The following SLC6A12 variants were observed in gnomAD, a reference collection of about 807,000 sequenced individuals.
The protein encoded by SLC6A12 is sodium- and chloride-dependent betaine transporter.
A neutral mutation model predicts 73.3 loss-of-function variants in SLC6A12; 50 were observed. The observed-to-expected ratio is 0.68, with a 90% CI of 0.54 to 0.86. The LOEUF (loss-of-function observed/expected upper bound fraction) is 0.86, where lower values mean the gene tolerates loss of function less well. Ranked by LOEUF, SLC6A12 falls within the 40% of genes least tolerant of loss-of-function variation. The pLI is 0.00. For synonymous variants in SLC6A12, 304 were observed against 309.2 expected (o/e 0.98, Z 0.18); for missense variants, 648 against 772.8 (o/e 0.84, Z 1.92).
chr12:206,167 A>G (rs1200879918), intron 3 of SLC6A12, among the ~76,000 whole-genome samples: 2 of 152,186 alleles, frequency 1.3e-5, no homozygotes, highest in African/African-American at 2.4e-5. Flanking sequence ...CACCATCACC[A>G]CCATTCATCT....
rs781320561 is a variant in SLC6A12, at chr12:200,734, G to A, written c.628C>T (p.Arg210Cys). ...AGGAGGCACAGGGCCAGCTCCCAGC[G>A]CAGGGAGCCCAGGTCATGGATGCCC... Reference protein sequence around the residue: ...TSGIHDLGSLRWELALCLLLA... With the variant: ...TSGIHDLGSLCWELALCLLLA... The change falls in exon 7 of 16, where the codon CGC becomes TGC. Residue 210 changes from arginine to cysteine, a missense_variant. Arg to Cys is a radical substitution (Grantham distance 180). Coordinates refer to ENST00000684302, the MANE Select transcript of SLC6A12 (RefSeq NM_001122848.3). The A allele has an allele frequency of 1.8e-5, 29 of 1,613,958 alleles. No individual in the cohort carries two copies. Among genetic ancestry groups the A allele is most frequent in the Admixed American group, 1.2e-4 (7 of 59,996 alleles).
At position 195,361 on chromosome 12, in the gene SLC6A12, G is replaced by T. The variant is rs140322356; in HGVS notation, c.1327-34C>A. 529 of 1,370,568 alleles carry T rather than the reference G, an allele frequency of 3.9e-4. 3 individuals are homozygous for T. The highest frequency in any genetic ancestry group is 1.3e-3 in the South Asian group (115 of 85,996). The allele number at this position is 1,370,568 out of a possible 1,614,324, so 84.9% of individuals were successfully genotyped here. A position where few individuals can be genotyped will look rare whatever the true frequency, so the allele number is the denominator to read the frequency against. On this transcript the variant is annotated intron_variant, in intron 12 of 15. Coordinates refer to ENST00000684302, the MANE Select transcript of SLC6A12 (RefSeq NM_001122848.3). The stretch of plus-strand genomic sequence containing the variant: ...AGAGCGTGGAGCTGGGGCATGGCCA[G>T]TGCAGAGCTGGGACACACTCCAGCC...
intron 4 of SLC6A12, chr12:203,230 CT>C (rs1347800725): frequency 2.5e-4 from 43 of 171,472 alleles, no homozygotes; most frequent in South Asian, 4.7e-4. Context: ...CTAATTTTAA[CT>C]TTTTTTTTGT....
chr12:207,590 G>T (rs1940712962), intron 3 of SLC6A12, among the ~76,000 whole-genome samples: 1 of 152,018 alleles, frequency 6.6e-6, no homozygotes, highest in Non-Finnish European at 1.5e-5. Context: ...TTATATTTAA[G>T]TGCCAATCAG....
Position 213,571 on chromosome 12 carries a change from C to A in SLC6A12, c.-143+351G>T, listed in dbSNP as rs1940993731. The stretch of plus-strand genomic sequence containing the variant: ...AATGCCCCGAGGTTTCTCCTGTCCA[C>A]TTCTCCTTCCACCTTGCTGGGCACC... On this transcript the variant is annotated intron_variant, in intron 1 of 15. Coordinates refer to ENST00000684302, the MANE Select transcript of SLC6A12 (RefSeq NM_001122848.3). The surrounding 1 kb of genome is among the most constrained non-coding windows in gnomAD (Gnocchi z 5.3). The A allele has an allele frequency of 6.5e-6, 1 of 152,796 alleles. No individual in the cohort carries two copies. Among genetic ancestry groups the A allele is most frequent in the African/African-American group, 2.4e-5 (1 of 41,474 alleles). 9.5% of individuals were successfully genotyped at this position (152,796 alleles called of 1,614,324 possible). A position where few individuals can be genotyped will look rare whatever the true frequency, so the allele number is the denominator to read the frequency against.
At chr12:208,759 CAA>C (rs1940774878) in intron 3 of SLC6A12, among the ~76,000 whole-genome samples, 1 of 152,090 alleles carries the variant, frequency 6.6e-6, no homozygotes, top group African/African-American at 2.4e-5. Flanking sequence ...GAAAATGTTC[CAA>C]AAGTGGTTGT....
At position 192,512 on chromosome 12, in the gene SLC6A12, A is replaced by T; in HGVS notation, c.1667T>A (p.Ile556Asn). The stretch of plus-strand genomic sequence containing the variant: ...AGGACCCCGAGTCTTCAGGAGGGTG[A>T]TGACGACGAAGAGTGGGACACAGAC... ...SMVCVPLFVVITLLKTRGPFR... is the reference protein window; with the variant it reads ...SMVCVPLFVVNTLLKTRGPFR... Residue 556 changes from isoleucine to asparagine, a missense_variant, in exon 15 of 16, where the codon ATC becomes AAC. By Grantham distance (149) the Ile-to-Asn change is moderately radical. Transcript: ENST00000684302. 6.2e-7 allele frequency: 1 copy of T among 1,614,130 alleles called. No homozygotes were observed. The highest frequency in any genetic ancestry group is 1.1e-5 in the South Asian group (1 of 91,070).
chr12:209,570 G>A lies in SLC6A12; in HGVS notation c.214+203C>T, dbSNP rs114736933. 1,236 of 602,326 alleles carry A rather than the reference G, an allele frequency of 2.1e-3. 16 individuals are homozygous for A. In the African/African-American group the frequency reaches 0.021, roughly 10 times the overall value. 37.3% of individuals were successfully genotyped at this position (602,326 alleles called of 1,614,324 possible). A position where few individuals can be genotyped will look rare whatever the true frequency, so the allele number is the denominator to read the frequency against. ...CCCATTGCCCAGTTTCATCTTCACC[G>A]TCACCCTGGGAGGTATTGTCCCCAT... On this transcript the variant is annotated intron_variant, in intron 3 of 15. Coordinates refer to ENST00000684302, the MANE Select transcript of SLC6A12 (RefSeq NM_001122848.3).
intron 9 of SLC6A12, 146 bp downstream of exon 9, chr12:197,754 G>T: frequency 3.0e-6 from 2 of 666,710 alleles, no homozygotes; most frequent in East Asian, 2.8e-5. Flanking sequence ...AAGACATTTA[G>T]TCTGGGAAAG....
downstream of SLC6A12, among the ~76,000 whole-genome samples, chr12:188,091 G>A (rs1939467952): frequency 1.3e-5 from 2 of 152,254 alleles, no homozygotes. Flanking sequence ...AGGTGGAGCT[G>A]CCTCCCAGTC....
chr12:195,134 G>C (rs1939801430), intron 13 of SLC6A12, 91 bp downstream of exon 13: 1 of 792,854 alleles, frequency 1.3e-6, no homozygotes, highest in South Asian at 1.5e-5. Context: ...CAGGGGACCA[G>C]AGAACGGCCT....
At chr12:197,130 C>T (rs56380802) in intron 10 of SLC6A12, among the ~76,000 whole-genome samples, 10,667 of 66,662 alleles carry the variant, frequency 0.16, 82 homozygotes, top group East Asian at 0.2. Context: ...TCCATCCATC[C>T]ATCCATCCAT....
rs1941012347 is a variant in SLC6A12, at chr12:214,106, T to G, written c.-327A>C. 1 of 152,588 alleles carries G rather than the reference T, an allele frequency of 6.6e-6. No homozygotes were observed. Among genetic ancestry groups the G allele is most frequent in the Admixed American group, 6.5e-5 (1 of 15,272 alleles). 9.5% of individuals were successfully genotyped at this position (152,588 alleles called of 1,614,324 possible). ...AATCCCATGTGACTTGTCCAGGGACTCCCAGACAGAAAGAAGCCGTGTGTG... is the reference window on the plus strand; with the variant it reads ...AATCCCATGTGACTTGTCCAGGGACGCCCAGACAGAAAGAAGCCGTGTGTG... On this transcript the variant is annotated 5_prime_UTR_variant, in exon 1 of 16. Transcript: ENST00000684302. This position sits in a 1 kb window ranked among gnomAD's most constrained non-coding sequence, Gnocchi z 4.2.
At chr12:197,151 A>C in intron 10 of SLC6A12, among the ~76,000 whole-genome samples, 3 of 136,962 alleles carry the variant, frequency 2.2e-5, no homozygotes, top group Non-Finnish European at 4.8e-5. Flanking sequence ...CCATCCATCC[A>C]TCCATCCATC....
downstream of SLC6A12, among the ~76,000 whole-genome samples, chr12:187,871 G>C (rs1939464300): frequency 6.6e-6 from 1 of 152,132 alleles, no homozygotes; most frequent in Admixed American, 6.5e-5. Flanking sequence ...GTCCCCACCA[G>C]AGAAGCTAGA....
chr12:199,156 G>A, intron 7 of SLC6A12: 1 of 493,634 alleles, frequency 2.0e-6, no homozygotes, highest in Non-Finnish European at 3.6e-6. Context: ...GGTGGGGAGG[G>A]GAGGAGGAAG....
intron 1 of SLC6A12, among the ~76,000 whole-genome samples, chr12:212,551 G>A (rs1475292450): frequency 1.3e-5 from 2 of 152,296 alleles, no homozygotes; most frequent in East Asian, 3.9e-4. Context: ...AAGTAATCGG[G>A]AGGAGCGTAA....
chr12:190,271 T>C lies in SLC6A12; in HGVS notation c.*797A>G, dbSNP rs1939536457. 1 of 152,236 alleles carries C rather than the reference T, an allele frequency of 6.6e-6. No homozygotes were observed. The highest frequency in any genetic ancestry group is 2.4e-5 in the African/African-American group (1 of 41,438). 9.4% of individuals were successfully genotyped at this position (152,236 alleles called of 1,614,324 possible). On this transcript the variant is annotated 3_prime_UTR_variant, in exon 16 of 16. Coordinates refer to ENST00000684302, the MANE Select transcript of SLC6A12 (RefSeq NM_001122848.3). ...CATCCATGAAGTCAGGGGTTTGCGT[T>C]AGAAGCAGGATGGCAAATGGTGCTG...
chr12:190,901 G>T lies in SLC6A12; in HGVS notation c.*167C>A, dbSNP rs527659915. 4 of 462,298 alleles carry T rather than the reference G, an allele frequency of 8.7e-6. No individual in the cohort carries two copies. The Admixed American group carries it at 1.3e-4, about 15-fold the overall frequency. 28.6% of individuals were successfully genotyped at this position (462,298 alleles called of 1,614,324 possible). ...CAGCAAAGGGGAAGGAGCTGCTCCA[G>T]CTAGCACAAGAGAGGAGTCTGGCCT... On this transcript the variant is annotated 3_prime_UTR_variant, in exon 16 of 16. Coordinates refer to ENST00000684302, the MANE Select transcript of SLC6A12 (RefSeq NM_001122848.3).
Sources: allele counts gnomAD v4.1 joint callset (sites outside exome capture counted in the v4.1 genomes callset), GRCh38; gene constraint gnomAD v4.1.1; non-coding constraint Gnocchi (gnomAD v3.1); transcripts MANE v1.5; gene names NCBI Gene and HGNC (gene_info 2026-07-23, HGNC 2026-07-21).